Variants in ARL15 observed in about 807,000 individuals in gnomAD.
ARL15 encodes ARF like GTPase 15.
Under a neutral mutation model 25.2 loss-of-function variants are expected in ARL15, and 19 were observed. The ratio of observed to expected loss-of-function variants is 0.75; its 90% CI spans 0.53 to 1.10. ARL15 has a LOEUF of 1.10. Ranked by LOEUF, ARL15 falls within the 50% of genes least tolerant of loss-of-function variation. ARL15 has a pLI of 0.00. For missense variants in ARL15, 220 were observed against 246.0 expected (o/e 0.89, Z 0.71); for synonymous variants, 94 against 86.8 (o/e 1.08, Z -0.46).
intron 1 of ARL15, among the ~76,000 whole-genome samples, chr5:54,265,235 T>A (rs1367112814): frequency 1.3e-5 from 2 of 152,238 alleles, no homozygotes; most frequent in Non-Finnish European, 2.9e-5. Context: ...ATGTTCTTAG[T>A]ACAATTGTTA....
chr5:54,286,293 A>G (rs1248526795), intron 1 of ARL15: 1 of 152,148 alleles, frequency 6.6e-6, no homozygotes, highest in Non-Finnish European at 1.5e-5. Context: ...GCCTCTCAAC[A>G]TTTTCTAAAA....
At chr5:54,286,620 T>C (rs1235977383) in intron 1 of ARL15, among the ~76,000 whole-genome samples, 1 of 152,238 alleles carries the variant, frequency 6.6e-6, no homozygotes, top group East Asian at 1.9e-4. Context: ...GCCCATCTTC[T>C]ATAAAACATC....
At chr5:54,199,361 A>G (rs980823040) in intron 1 of ARL15, among the ~76,000 whole-genome samples, 1 of 151,584 alleles carries the variant, frequency 6.6e-6, no homozygotes, top group African/African-American at 2.4e-5. Flanking sequence ...TGAACAGGCA[A>G]CCCACAAAAT....
intron 4 of ARL15, among the ~76,000 whole-genome samples, chr5:54,020,194 G>A (rs767326116): frequency 5.3e-5 from 8 of 152,182 alleles, no homozygotes; most frequent in Non-Finnish European, 8.8e-5. Context: ...GACTGTGTAC[G>A]TTCCAGGAAC....
Position 53,884,352 on chromosome 5 carries a change from A to G in ARL15, c.*2209T>C, listed in dbSNP as rs1201897886. On this transcript the variant is annotated 3_prime_UTR_variant, in exon 5 of 5. Transcript: ENST00000504924. ...AAAAGGGACTTACACTCCCACCCCC[A>G]GCCATCCCACCCACCCCACCACCCA... The G allele has an allele frequency of 1.6e-5, 1 of 64,484 alleles. No homozygotes were observed. The highest frequency in any genetic ancestry group is 3.0e-5 in the Non-Finnish European group (1 of 32,834). 4.0% of individuals were successfully genotyped at this position (64,484 alleles called of 1,614,324 possible). A position where few individuals can be genotyped will look rare whatever the true frequency, so the allele number is the denominator to read the frequency against.
intron 1 of ARL15, among the ~76,000 whole-genome samples, chr5:54,192,553 C>T (rs1294287226): frequency 2.0e-5 from 3 of 150,458 alleles, no homozygotes; most frequent in African/African-American, 7.3e-5. Context: ...CCTTTTAAAT[C>T]ACATCCTATT....
chr5:54,113,287 G>T lies in ARL15; in HGVS notation c.377C>A (p.Ala126Asp). The T allele has an allele frequency of 6.2e-7, 1 of 1,613,974 alleles. No individual in the cohort carries two copies. The highest frequency in any genetic ancestry group is 8.5e-7 in the Non-Finnish European group (1 of 1,179,876). Residue 126 changes from alanine to aspartate, a missense_variant, in exon 4 of 5, where the codon GCT becomes GAT. Ala to Asp is a moderately radical substitution (Grantham distance 126, BLOSUM62 -2). Coordinates refer to ENST00000504924, the MANE Select transcript of ARL15 (RefSeq NM_019087.3). ...AGTGCATAACTGTGGATGCTGAAGA[G>T]CTGAGTGCAGCTCATTTCTAGCAGC... is the stretch of plus-strand genomic sequence containing the variant. The part of the protein sequence containing the change: ...LEAARNELHS[A>D]LQHPQLCTLP...
At chr5:54,292,143 G>A (rs975755799) in intron 1 of ARL15, among the ~76,000 whole-genome samples, 17 of 152,000 alleles carry the variant, frequency 1.1e-4, no homozygotes, top group African/African-American at 3.9e-4. Context: ...CTTTTTCAAG[G>A]GATACCACTT....
At chr5:54,136,878 T>C (rs1271594416) in intron 3 of ARL15, among the ~76,000 whole-genome samples, 2 of 151,966 alleles carry the variant, frequency 1.3e-5, no homozygotes, top group Non-Finnish European at 2.9e-5. Flanking sequence ...GGTTTTTTTT[T>C]TTTTTTTAGT....
intron 4 of ARL15, chr5:54,067,065 C>G (rs1751259759): frequency 6.6e-6 from 1 of 152,598 alleles, no homozygotes; most frequent in East Asian, 1.9e-4. Flanking sequence ...TCACTACTTG[C>G]CATTGGAATG....
intron 1 of ARL15, chr5:54,282,218 G>A (rs1157250932): frequency 5.5e-5 from 54 of 980,860 alleles, no homozygotes; most frequent in Non-Finnish European, 6.5e-5. Flanking sequence ...CAACACTAGG[G>A]TCTTCACTTA....
intron 1 of ARL15, among the ~76,000 whole-genome samples, chr5:54,270,092 T>G (rs1299170446): frequency 6.6e-6 from 1 of 152,218 alleles, no homozygotes; most frequent in African/African-American, 2.4e-5. Flanking sequence ...GTAAAATCAT[T>G]CAATTCTTTG....
intron 4 of ARL15, among the ~76,000 whole-genome samples, chr5:53,968,379 G>A (rs1022492677): frequency 6.6e-6 from 1 of 152,112 alleles, no homozygotes; most frequent in African/African-American, 2.4e-5. Flanking sequence ...AAACATTCGT[G>A]GGAGGATGAG....
At chr5:54,247,511 T>C (rs1757119674) in intron 1 of ARL15, among the ~76,000 whole-genome samples, 1 of 150,874 alleles carries the variant, frequency 6.6e-6, no homozygotes, top group Admixed American at 6.6e-5. Flanking sequence ...CAAATGTCAC[T>C]GTCCCATTTC....
chr5:54,281,643 C>T (rs1366290838), intron 1 of ARL15, among the ~76,000 whole-genome samples: 1 of 152,170 alleles, frequency 6.6e-6, no homozygotes, highest in Non-Finnish European at 1.5e-5. Flanking sequence ...CCATATATCC[C>T]CTGGAGGGCA....
At chr5:54,101,518 A>T (rs1014815195) in intron 4 of ARL15, among the ~76,000 whole-genome samples, 12 of 152,130 alleles carry the variant, frequency 7.9e-5, no homozygotes, top group African/African-American at 2.7e-4. Context: ...CTACTACAAC[A>T]TTCAGAATAA....
chr5:53,943,592 C>G (rs750142847), intron 4 of ARL15, among the ~76,000 whole-genome samples: 10 of 152,146 alleles, frequency 6.6e-5, no homozygotes, highest in Non-Finnish European at 1.0e-4. Context: ...GTTGAAAAGA[C>G]AGGAATTGTC....
At chr5:54,005,638 C>A (rs910487889) in intron 4 of ARL15, among the ~76,000 whole-genome samples, 1 of 151,620 alleles carries the variant, frequency 6.6e-6, no homozygotes, top group Admixed American at 6.6e-5. Flanking sequence ...CCGAGGCGGG[C>A]GGATCACGAG....
intron 4 of ARL15, among the ~76,000 whole-genome samples, chr5:54,105,837 C>A (rs1009762307): frequency 2.6e-5 from 4 of 152,152 alleles, no homozygotes; most frequent in Non-Finnish European, 5.9e-5. Context: ...CCTGCCTCGG[C>A]CTCATTTGTT....
Sources: allele counts gnomAD v4.1 joint callset (sites outside exome capture counted in the v4.1 genomes callset), GRCh38; gene constraint gnomAD v4.1.1; transcripts MANE v1.5; gene names NCBI Gene and HGNC (gene_info 2026-07-23, HGNC 2026-07-21).